The following NCSTN variants were observed in gnomAD, a reference collection of about 807,000 sequenced individuals.
NCSTN encodes anterior pharynx-defective 2.
A neutral mutation model predicts 87.0 loss-of-function variants in NCSTN; 22 were observed. The ratio of observed to expected loss-of-function variants is 0.25; its 90% CI spans 0.18 to 0.36. The LOEUF (loss-of-function observed/expected upper bound fraction) is 0.36, where lower values mean the gene tolerates loss of function less well. Ranked by LOEUF, NCSTN falls within the 10% of genes least tolerant of loss-of-function variation. The pLI, the probability that NCSTN is intolerant of heterozygous loss-of-function variation, is 1.00. For missense variants in NCSTN, 693 were observed against 883.3 expected, an observed-to-expected ratio of 0.78 and a Z score of 2.73; for synonymous variants, 306 against 327.1, an observed-to-expected ratio of 0.94 and a Z score of 0.69.
At chr1:160,347,663 G>A (rs1346172331) in intron 2 of NCSTN, among the ~76,000 whole-genome samples, 1 of 152,152 alleles carries the variant, frequency 6.6e-6, no homozygotes, top group East Asian at 1.9e-4. Flanking sequence ...AGGCTGGAGT[G>A]CTGTGGCACA....
rs1347055289 is a variant in NCSTN at position 160,352,992 on chromosome 1, G to A, written c.1101+1G>A. The A allele has an allele frequency of 3.1e-6, 5 of 1,612,640 alleles. No homozygotes were observed. Among genetic ancestry groups the A allele is most frequent in the Non-Finnish European group, 4.2e-6 (5 of 1,178,656 alleles). On this transcript the variant is annotated splice_donor_variant, in intron 9 of 16. Coordinates refer to ENST00000294785, the MANE Select transcript of NCSTN (RefSeq NM_015331.3). LOFTEE classifies it high-confidence loss of function. ...TGACTCATTTGTGGAGCTGGGACAG[G>A]TATGTGGCATGTCCCCCAGCCCCTT...
chr1:160,345,750 A>G (rs956411726), intron 2 of NCSTN, among the ~76,000 whole-genome samples: 4 of 151,386 alleles, frequency 2.6e-5, no homozygotes, highest in Non-Finnish European at 5.9e-5. Context: ...ATCTGCCAGC[A>G]TGGTGAAACC....
chr1:160,345,805 A>G (rs977918418), intron 2 of NCSTN, among the ~76,000 whole-genome samples: 1 of 151,370 alleles, frequency 6.6e-6, no homozygotes. Context: ...GCTGGCTGCT[A>G]TGGCATGCCT....
chr1:160,354,036 A>T, intron 10 of NCSTN, 82 bp from the exon 11 acceptor site: 1 of 1,422,760 alleles, frequency 7.0e-7, no homozygotes, highest in Non-Finnish European at 9.9e-7. Flanking sequence ...AACTTGAAGT[A>T]TAGAGCATTT....
chr1:160,345,945 A>G (rs1648463317), intron 2 of NCSTN, among the ~76,000 whole-genome samples: 1 of 147,580 alleles, frequency 6.8e-6, no homozygotes, highest in African/African-American at 2.6e-5. Context: ...TCTGAAAAAA[A>G]AAAAAAAAAA....
chr1:160,353,063 T>C, intron 9 of NCSTN, 72 bp downstream of exon 9: 23 of 1,572,216 alleles, frequency 1.5e-5, no homozygotes, highest in Non-Finnish European at 1.8e-5. Flanking sequence ...CGGTCTTAAC[T>C]GCAGGAACCA....
At chr1:160,352,341 ATG>A in intron 8 of NCSTN, 135 bp downstream of exon 8, 1 of 1,080,078 alleles carries the variant, frequency 9.3e-7, no homozygotes. Flanking sequence ...ATGTGTCTAC[ATG>A]TGTCTCCCCT....
chr1:160,343,751 G>A (rs1648259771), intron 1 of NCSTN: 1 of 679,940 alleles, frequency 1.5e-6, no homozygotes, highest in Non-Finnish European at 2.8e-6. Context: ...TTGTCCAGAT[G>A]TCTCGTTTTT....
intron 6 of NCSTN, 91 bp from the exon 7 acceptor site, chr1:160,351,605 G>T: frequency 7.6e-7 from 1 of 1,321,384 alleles, no homozygotes. Context: ...CTTAGAGTCC[G>T]TGGGGCACTG....
In NCSTN at chr1:160,358,861, T is replaced by A. The variant is rs1649263519; in HGVS notation, c.*590T>A. The A allele has an allele frequency of 6.5e-6, 1 of 154,372 alleles. No homozygotes were observed. Among genetic ancestry groups the A allele is most frequent in the Non-Finnish European group, 1.4e-5 (1 of 69,338 alleles). The allele number at this position is 154,372 out of a possible 1,614,324, so 9.6% of individuals were successfully genotyped here. A position where few individuals can be genotyped will look rare whatever the true frequency, so the allele number is the denominator to read the frequency against. ...TGCTCAGTTGTACTTTTTATTAAGC[T>A]GTAATATCTATTTTTGTTTTTGTCT... is the stretch of plus-strand genomic sequence containing the variant. On this transcript the variant is annotated 3_prime_UTR_variant, in exon 17 of 17. Coordinates refer to ENST00000294785, the MANE Select transcript of NCSTN (RefSeq NM_015331.3).
At position 160,354,111 on chromosome 1, in the gene NCSTN, C is replaced by G; in HGVS notation, c.1180-7C>G. 1 of 1,613,894 alleles carries G rather than the reference C, an allele frequency of 6.2e-7. No homozygotes were observed. The stretch of plus-strand genomic sequence containing the variant: ...TCCCATCAGTTAATCTCCCTCGTAC[C>G]CCCCAGGTGGAGGATCTCCTGGCCA... On this transcript the variant is annotated splice_region_variant and splice_polypyrimidine_tract_variant and intron_variant, in intron 10 of 16. Transcript: ENST00000294785.
intron 10 of NCSTN, 57 bp downstream of exon 10, chr1:160,353,294 A>G (rs1648967943): frequency 8.7e-6 from 14 of 1,612,394 alleles, no homozygotes; most frequent in Admixed American, 1.7e-5. Flanking sequence ...CCAGACCCCA[A>G]CCCCTGCCCT....
At chr1:160,351,514 C>T in intron 6 of NCSTN, 142 bp downstream of exon 6, 1 of 1,344,660 alleles carries the variant, frequency 7.4e-7, no homozygotes, top group Non-Finnish European at 1.1e-6. Context: ...AGAAACAATT[C>T]TGAAAAATTT....
chr1:160,354,063 C>G (rs1649007008), intron 10 of NCSTN, 55 bp from the exon 11 acceptor site: 6 of 1,569,466 alleles, frequency 3.8e-6, no homozygotes, highest in South Asian at 2.2e-5. Context: ...TAAAAGAGAC[C>G]TCCTGCTTCC....
intron 2 of NCSTN, chr1:160,345,197 A>C: frequency 1.2e-5 from 4 of 321,444 alleles, no homozygotes; most frequent in East Asian, 8.2e-5. Flanking sequence ...AAGCTGAGAG[A>C]CCTTTTTTTT....
chr1:160,358,014 C>T, intron 16 of NCSTN, 135 bp from the exon 17 acceptor site: 1 of 1,101,588 alleles, frequency 9.1e-7, no homozygotes. Flanking sequence ...GAGATGTTGC[C>T]CATGATTATT....
At position 160,354,247 on chromosome 1, in the gene NCSTN, T is replaced by C; in HGVS notation, c.1309T>C (p.Ser437Pro). The C allele has an allele frequency of 1.2e-6, 2 of 1,614,162 alleles. No homozygotes were observed. The highest frequency in any genetic ancestry group is 1.7e-6 in the Non-Finnish European group (2 of 1,180,030). ...GCGATTTCTTCGAGCTCGAAACATC[T>C]CTGGCGTTGTTCTGGCTGACCACTC... ...LQRFLRARNI[S>P]GVVLADHSGA... The change falls in exon 11 of 17, where the codon TCT becomes CCT. Residue 437 changes from serine to proline, a missense_variant. Physicochemically the swap from Ser to Pro is moderately conservative, Grantham distance 74. Around this residue, in one of 4 missense-constraint regions of NCSTN, gnomAD observed 108 missense variants for 111.6 expected, o/e 0.97. Transcript: ENST00000294785.
intron 10 of NCSTN, 143 bp downstream of exon 10, chr1:160,353,380 A>G: frequency 6.5e-7 from 1 of 1,537,338 alleles, no homozygotes; most frequent in African/African-American, 1.4e-5. Context: ...AAGGATGAAC[A>G]CCACAGCTGT....
intron 2 of NCSTN, among the ~76,000 whole-genome samples, chr1:160,345,957 A>AG (rs1474450151): frequency 1.8e-4 from 28 of 151,468 alleles, no homozygotes; most frequent in African/African-American, 6.1e-4. Flanking sequence ...AAAAAAAAAA[A>AG]AAAAGAAAAT....
Sources: gnomAD v4.1 joint callset for allele counts (sites outside exome capture counted in the v4.1 genomes callset) on GRCh38, gnomAD v4.1.1 for gene constraint, gnomAD v4.1.1 regional missense constraint, MANE v1.5 for transcripts, NCBI Gene and HGNC (gene_info 2026-07-23, HGNC 2026-07-21) for gene names.